Variants in LRRTM4 observed in about 807,000 individuals in gnomAD.
The protein encoded by LRRTM4 is leucine rich repeat transmembrane neuronal 4, also known as leucine-rich repeat transmembrane neuronal protein 4.
A neutral mutation model predicts 47.6 loss-of-function variants in LRRTM4; 25 were observed. The ratio of observed to expected loss-of-function variants is 0.53; its 90% CI spans 0.38 to 0.73. The LOEUF is 0.73. LRRTM4 is among the 30% of genes least tolerant of loss of function. The pLI is 0.00. For missense variants in LRRTM4, 638 were observed against 713.4 expected (o/e 0.89, Z 1.20); for synonymous variants, 311 against 269.5 (o/e 1.15, Z -1.51).
At chr2:76,873,731 T>C (rs1428177384) in intron 3 of LRRTM4, among the ~76,000 whole-genome samples, 1 of 151,554 alleles carries the variant, frequency 6.6e-6, no homozygotes, top group Non-Finnish European at 1.5e-5. Flanking sequence ...TTGTTAAGCA[T>C]CAACTTCTAC....
At chr2:76,899,575 G>C (rs1320104470) in intron 3 of LRRTM4, among the ~76,000 whole-genome samples, 3 of 152,018 alleles carry the variant, frequency 2.0e-5, no homozygotes, top group African/African-American at 7.2e-5. Context: ...AGGACCTAAT[G>C]TGAATTCATG....
At chr2:77,228,132 GA>G (rs2103964582) in intron 3 of LRRTM4, among the ~76,000 whole-genome samples, 1 of 152,156 alleles carries the variant, frequency 6.6e-6, no homozygotes, top group Non-Finnish European at 1.5e-5. Flanking sequence ...GAAAATCTGA[GA>G]AAAATGGATT....
intron 3 of LRRTM4, among the ~76,000 whole-genome samples, chr2:77,147,098 AT>A (rs1000131026): frequency 1.3e-5 from 2 of 152,146 alleles, no homozygotes; most frequent in African/African-American, 2.4e-5. Context: ...GATTAAGCTA[AT>A]TTTTTTCTAC....
chr2:76,961,479 C>A (rs1240191652), intron 3 of LRRTM4, among the ~76,000 whole-genome samples: 2 of 151,188 alleles, frequency 1.3e-5, no homozygotes, highest in African/African-American at 4.8e-5. Context: ...GGAATGGCTA[C>A]CTTAAACAAC....
intron 3 of LRRTM4, among the ~76,000 whole-genome samples, chr2:77,160,005 T>G (rs77337463): frequency 6.6e-6 from 1 of 152,144 alleles, no homozygotes. Context: ...TTTGGAAGCA[T>G]TTATCTTCAT....
chr2:77,081,096 T>C (rs1365126304), intron 3 of LRRTM4, among the ~76,000 whole-genome samples: 1 of 152,208 alleles, frequency 6.6e-6, no homozygotes, highest in Non-Finnish European at 1.5e-5. Context: ...TTTTCAGTTC[T>C]CATTGCCTTT....
chr2:76,781,102 C>T (rs1261011918), intron 3 of LRRTM4, among the ~76,000 whole-genome samples: 1 of 152,270 alleles, frequency 6.6e-6, no homozygotes. Flanking sequence ...AGGAGGCAGT[C>T]TGCCCATTCT....
Position 76,864,897 on chromosome 2 carries a change from T to A in LRRTM4, c.1552-115981A>T, listed in dbSNP as rs1329321722. ...GAATGCCACCACTTCAGCTGTTTTT[T>A]TTTTTTTTTTAATTTTTTTTATAGA... is the stretch of plus-strand genomic sequence containing the variant. On this transcript the variant is annotated intron_variant, in intron 3 of 3. Transcript: ENST00000409884. Among the ~76,000 whole-genome samples the A allele has an allele frequency of 2.3e-3, 354 of 151,502 alleles. 7 individuals carry two copies. The highest frequency in any genetic ancestry group is 8.3e-3 in the African/African-American group (341 of 41,326).
At chr2:76,892,299 T>C (rs750502160) in intron 3 of LRRTM4, among the ~76,000 whole-genome samples, 4 of 151,704 alleles carry the variant, frequency 2.6e-5, no homozygotes, top group Non-Finnish European at 4.4e-5. Context: ...AGAAATTATT[T>C]TACAAGATAT....
chr2:77,376,522 C>T (rs1186951325), intron 3 of LRRTM4, among the ~76,000 whole-genome samples: 1 of 150,924 alleles, frequency 6.6e-6, no homozygotes, highest in Non-Finnish European at 1.5e-5. Context: ...GTGACAGTTC[C>T]TCAGACTTTG....
chr2:76,998,125 C>A (rs920422462), intron 3 of LRRTM4, among the ~76,000 whole-genome samples: 4 of 151,964 alleles, frequency 2.6e-5, no homozygotes, highest in Non-Finnish European at 5.9e-5. Context: ...CTCGAATCAT[C>A]CTAAAACCAT....
intron 3 of LRRTM4, among the ~76,000 whole-genome samples, chr2:77,168,537 T>A (rs2103827652): frequency 6.6e-6 from 1 of 152,244 alleles, no homozygotes; most frequent in East Asian, 1.9e-4. Context: ...CTCAAAAATG[T>A]TTTCCTTTCT....
intron 3 of LRRTM4, among the ~76,000 whole-genome samples, chr2:77,217,865 T>A (rs575254535): frequency 7.9e-5 from 12 of 152,296 alleles, no homozygotes; most frequent in African/African-American, 2.9e-4. Context: ...ATAAACACAA[T>A]GTGTATGTTA....
chr2:76,890,452 G>A (rs1420909992), intron 3 of LRRTM4, among the ~76,000 whole-genome samples: 1 of 151,928 alleles, frequency 6.6e-6, no homozygotes, highest in East Asian at 1.9e-4. Context: ...GGCCAAAAGA[G>A]GATGTAGGAT....
intron 3 of LRRTM4, among the ~76,000 whole-genome samples, chr2:77,252,839 T>A (rs1400459057): frequency 2.6e-5 from 4 of 152,146 alleles, no homozygotes; most frequent in Non-Finnish European, 5.9e-5. Flanking sequence ...AAGTTCTGGA[T>A]GTTAGAAGTC....
At chr2:76,865,580 A>G (rs1238955803) in intron 3 of LRRTM4, among the ~76,000 whole-genome samples, 4 of 152,200 alleles carry the variant, frequency 2.6e-5, no homozygotes, top group South Asian at 2.1e-4. Flanking sequence ...AGATTTTCAC[A>G]TAAGTTCTCA....
chr2:77,144,816 A>G (rs1276619821), intron 3 of LRRTM4, among the ~76,000 whole-genome samples: 2 of 152,200 alleles, frequency 1.3e-5, no homozygotes, highest in Non-Finnish European at 2.9e-5. Flanking sequence ...ATTTTTTAAA[A>G]CAAGACACCT....
intron 3 of LRRTM4, among the ~76,000 whole-genome samples, chr2:77,487,017 A>G (rs1451150287): frequency 6.6e-6 from 1 of 152,216 alleles, no homozygotes; most frequent in Non-Finnish European, 1.5e-5. Flanking sequence ...ACTTCCTCTA[A>G]CATATCAATA....
chr2:77,083,967 G>C (rs1365278070), intron 3 of LRRTM4, among the ~76,000 whole-genome samples: 1 of 151,358 alleles, frequency 6.6e-6, no homozygotes, highest in African/African-American at 2.4e-5. Flanking sequence ...ACTGCGCCTG[G>C]CTAATTTTTT....
Sources: gnomAD v4.1 joint callset for allele counts (sites outside exome capture counted in the v4.1 genomes callset) on GRCh38, gnomAD v4.1.1 for gene constraint, MANE v1.5 for transcripts, NCBI Gene and HGNC (gene_info 2026-07-23, HGNC 2026-07-21) for gene names.